Variants in AK5 observed in about 807,000 individuals in gnomAD.
The protein encoded by AK5 is adenylate kinase isoenzyme 5.
AK5 carries 27 observed loss-of-function variants against 69.5 expected under a neutral mutation model. That is an observed-to-expected ratio of 0.39 (90% CI 0.29 to 0.54). The LOEUF (loss-of-function observed/expected upper bound fraction) is 0.54, where lower values mean the gene tolerates loss of function less well. AK5 is among the 20% of genes least tolerant of loss of function. The pLI is 0.71. For synonymous variants in AK5, 260 were observed against 244.4 expected (o/e 1.06, Z -0.60); for missense variants, 531 against 700.4 (o/e 0.76, Z 2.73).
At chr1:77,537,350 A>G (rs1370716499) in intron 13 of AK5, among the ~76,000 whole-genome samples, 1 of 152,154 alleles carries the variant, frequency 6.6e-6, no homozygotes, top group Non-Finnish European at 1.5e-5. Flanking sequence ...TGGAGAGGCA[A>G]GCAAGGACTA....
At chr1:77,308,585 T>G (rs1489172660) in intron 5 of AK5, among the ~76,000 whole-genome samples, 1 of 152,124 alleles carries the variant, frequency 6.6e-6, no homozygotes, top group African/African-American at 2.4e-5. Context: ...AAGATTTCAC[T>G]AGATAGCCCA....
intron 11 of AK5, among the ~76,000 whole-genome samples, chr1:77,520,985 C>T (rs1657948022): frequency 6.6e-6 from 1 of 152,218 alleles, no homozygotes; most frequent in Non-Finnish European, 1.5e-5. Context: ...ATTTCTCCTA[C>T]TTCATTTACC....
At position 77,390,701 on chromosome 1, in the gene AK5, G is replaced by A. The variant is rs139341961; in HGVS notation, c.892-20280G>A. 3.0e-3 allele frequency among the ~76,000 whole-genome samples: 449 copies of A among 152,180 alleles called. 4 individuals carry two copies. The highest frequency in any genetic ancestry group is 0.01 in the African/African-American group (431 of 41,522). ...TAGGAAATAAAAGCAAACACAAAAT[G>A]TTTAAAAGTTCTTAAATAATATTTT... On this transcript the variant is annotated intron_variant, in intron 6 of 13. Coordinates refer to ENST00000354567, the MANE Select transcript of AK5 (RefSeq NM_174858.3).
intron 8 of AK5, among the ~76,000 whole-genome samples, chr1:77,456,741 T>G (rs555987025): frequency 1.3e-5 from 2 of 152,214 alleles, no homozygotes; most frequent in African/African-American, 4.8e-5. Context: ...AGGAGTGACG[T>G]GCAGGGCATC....
In AK5 at chr1:77,557,344, A is replaced by C. The variant is rs554287895; in HGVS notation, c.1621-1258A>C. 1.1e-4 allele frequency: 24 copies of C among 208,956 alleles called. No individual in the cohort carries two copies. In the South Asian group the frequency reaches 2.3e-3, roughly 20 times the overall value. The allele number at this position is 208,956 out of a possible 1,614,324, so 12.9% of individuals were successfully genotyped here. On this transcript the variant is annotated intron_variant, in intron 13 of 13. Coordinates refer to ENST00000354567, the MANE Select transcript of AK5 (RefSeq NM_174858.3). ...TCTCTTTAAGAGGTAATGCCTCATA[A>C]CCAACTTTACCAAAGTAACCTGGGT... is the stretch of plus-strand genomic sequence containing the variant.
chr1:77,429,141 G>T (rs1384041912), intron 8 of AK5, among the ~76,000 whole-genome samples: 1 of 152,088 alleles, frequency 6.6e-6, no homozygotes, highest in Non-Finnish European at 1.5e-5. Flanking sequence ...TGGGTCAAAT[G>T]GTATTTCTAG....
intron 12 of AK5, among the ~76,000 whole-genome samples, chr1:77,523,798 AGCAACTGGGACT>A (rs1324858086): frequency 6.6e-6 from 1 of 152,058 alleles, no homozygotes; most frequent in Non-Finnish European, 1.5e-5. Context: ...CAGCCTCCTG[AGCAACTGGGACT>A]GCACCACCAC....
chr1:77,423,760 A>G (rs1424011378), intron 8 of AK5, among the ~76,000 whole-genome samples: 3 of 152,114 alleles, frequency 2.0e-5, no homozygotes, highest in South Asian at 4.1e-4. Flanking sequence ...TTTTACCTCC[A>G]GGAGCTTTGC....
chr1:77,505,419 G>C (rs1382241272), intron 10 of AK5, among the ~76,000 whole-genome samples: 1 of 152,098 alleles, frequency 6.6e-6, no homozygotes, highest in African/African-American at 2.4e-5. Context: ...ACCACATGTA[G>C]GAAAAAAGCA....
chr1:77,360,227 A>G (rs886213666), intron 6 of AK5, among the ~76,000 whole-genome samples: 18 of 152,220 alleles, frequency 1.2e-4, no homozygotes, highest in Admixed American at 5.9e-4. Context: ...GGACTGATAG[A>G]GGAAGAAGAG....
At chr1:77,317,443 G>C (rs1027188439) in intron 5 of AK5, among the ~76,000 whole-genome samples, 3 of 151,992 alleles carry the variant, frequency 2.0e-5, no homozygotes, top group African/African-American at 7.2e-5. Context: ...TAAATAGGAA[G>C]AGTGTAAAAA....
intron 8 of AK5, among the ~76,000 whole-genome samples, chr1:77,464,171 G>C (rs954668252): frequency 2.0e-5 from 3 of 152,188 alleles, no homozygotes; most frequent in African/African-American, 7.2e-5. Flanking sequence ...TGAATGGTAA[G>C]ACAGTTTTAA....
intron 1 of AK5, chr1:77,283,196 C>A: frequency 2.0e-6 from 2 of 985,430 alleles, no homozygotes; most frequent in Non-Finnish European, 2.4e-6. Context: ...CTGTTCTAAG[C>A]CACAACCCCT....
chr1:77,425,759 T>C (rs918628042), intron 8 of AK5, among the ~76,000 whole-genome samples: 1 of 152,202 alleles, frequency 6.6e-6, no homozygotes, highest in Non-Finnish European at 1.5e-5. Flanking sequence ...TATTTAATTA[T>C]ATATACTTAT....
intron 6 of AK5, among the ~76,000 whole-genome samples, chr1:77,388,760 AAAG>A (rs1267264987): frequency 1.3e-5 from 2 of 152,116 alleles, no homozygotes; most frequent in Non-Finnish European, 2.9e-5. Flanking sequence ...AAAAAAAAAA[AAAG>A]ATTAATTACA....
intron 10 of AK5, among the ~76,000 whole-genome samples, chr1:77,514,241 G>T (rs1472021845): frequency 6.6e-6 from 1 of 152,126 alleles, no homozygotes; most frequent in African/African-American, 2.4e-5. Context: ...GGCTTATTCA[G>T]GGGTTCGAGC....
chr1:77,289,055 A>T (rs183591519), intron 2 of AK5, among the ~76,000 whole-genome samples: 1 of 152,326 alleles, frequency 6.6e-6, no homozygotes, highest in African/African-American at 2.4e-5. Context: ...CTTACCATAC[A>T]ATCTATTCAT....
chr1:77,474,509 C>T (rs574365201), intron 8 of AK5, among the ~76,000 whole-genome samples: 10 of 152,242 alleles, frequency 6.6e-5, no homozygotes, highest in Admixed American at 2.0e-4. Context: ...CTGTAGGCTT[C>T]GGAGTGGTTG....
intron 6 of AK5, among the ~76,000 whole-genome samples, chr1:77,401,281 C>A (rs895726085): frequency 3.3e-5 from 5 of 152,188 alleles, no homozygotes; most frequent in African/African-American, 1.2e-4. Context: ...ATCAATCAAT[C>A]TTTTGGAGGG....
Sources: allele counts gnomAD v4.1 joint callset (sites outside exome capture counted in the v4.1 genomes callset), GRCh38; gene constraint gnomAD v4.1.1; transcripts MANE v1.5; gene names NCBI Gene and HGNC (gene_info 2026-07-23, HGNC 2026-07-21).